CD302: variants seen among roughly 807,000 people sequenced by gnomAD.
CD302 encodes the protein CD302 antigen.
Under a neutral mutation model 26.5 loss-of-function variants are expected in CD302, and 23 were observed. That is an observed-to-expected ratio of 0.87 (90% CI 0.62 to 1.23). The LOEUF is 1.23. CD302 is among the 50% of genes most tolerant of loss of function. CD302 has a pLI of 0.00. For synonymous variants in CD302, 90 were observed against 99.4 expected (o/e 0.91, Z 0.56); for missense variants, 290 against 275.5 (o/e 1.05, Z -0.37).
At chr2:159,777,866 G>T in intron 5 of CD302, 72 bp downstream of exon 5, 1 of 755,488 alleles carries the variant, frequency 1.3e-6, no homozygotes, top group Non-Finnish European at 2.0e-6. Context: ...GATCTGTAAT[G>T]TATTTTAATA....
intron 5 of CD302, among the ~76,000 whole-genome samples, chr2:159,775,397 A>G (rs954911039): frequency 1.3e-5 from 2 of 152,156 alleles, no homozygotes; most frequent in Non-Finnish European, 2.9e-5. Context: ...GAAGCCACAG[A>G]CCTATTTTTT....
intron 1 of CD302, among the ~76,000 whole-genome samples, chr2:159,791,949 G>T (rs912585909): frequency 6.6e-6 from 1 of 152,166 alleles, no homozygotes; most frequent in Admixed American, 6.6e-5. Context: ...ATGTTAGATG[G>T]TGTATTGTGG....
chr2:159,792,333 C>T (rs938898862), intron 1 of CD302, among the ~76,000 whole-genome samples: 1 of 152,038 alleles, frequency 6.6e-6, no homozygotes, highest in South Asian at 2.1e-4. Flanking sequence ...TCATACAATC[C>T]AGCCTTGATT....
chr2:159,772,072 A>T lies in CD302; in HGVS notation c.497-19T>A. Reference sequence around the variant, plus strand: ...TGGTTATCTGAAAAGGAAAAGACAAAAGAGTATTTGGGAAATTAGGGTACA... The same window carrying T: ...TGGTTATCTGAAAAGGAAAAGACAATAGAGTATTTGGGAAATTAGGGTACA... On this transcript the variant is annotated intron_variant, in intron 5 of 5. Transcript: ENST00000259053. The T allele has an allele frequency of 6.2e-7, 1 of 1,612,492 alleles. No individual in the cohort carries two copies. The highest frequency in any genetic ancestry group is 8.5e-7 in the Non-Finnish European group (1 of 1,179,060).
intron 2 of CD302, among the ~76,000 whole-genome samples, chr2:159,782,109 A>G (rs1046349114): frequency 1.3e-5 from 2 of 152,146 alleles, no homozygotes; most frequent in South Asian, 2.1e-4. Context: ...TCTACTAAAA[A>G]TACAAAAAAT....
At chr2:159,798,055 G>T (rs1217768290) in intron 1 of CD302, 77 bp downstream of exon 1, 1 of 1,375,130 alleles carries the variant, frequency 7.3e-7, no homozygotes, top group Non-Finnish European at 9.7e-7. Flanking sequence ...CGGGTGCGCG[G>T]GGACGAAGAG....
rs1200867351 is a variant in CD302, at chr2:159,772,869, G to C, written c.497-816C>G. 9.2e-5 allele frequency among the ~76,000 whole-genome samples: 14 copies of C among 152,126 alleles called. 1 individual carries two copies. The highest frequency in any genetic ancestry group is 9.2e-4 in the Admixed American group (14 of 15,266). On this transcript the variant is annotated intron_variant, in intron 5 of 5. Transcript: ENST00000259053. ...GGCCAAATTATTTGTTAAAGTGAGGGAGAGCCATTGATACTTTTCAAATAT... is the reference window on the plus strand; with the variant it reads ...GGCCAAATTATTTGTTAAAGTGAGGCAGAGCCATTGATACTTTTCAAATAT...
At chr2:159,777,855 G>A in intron 5 of CD302, 83 bp downstream of exon 5, 1 of 649,572 alleles carries the variant, frequency 1.5e-6, no homozygotes, top group Non-Finnish European at 2.4e-6. Flanking sequence ...TTTTAAAAAG[G>A]GATCTGTAAT....
chr2:159,789,685 A>G (rs1177059843), intron 1 of CD302, among the ~76,000 whole-genome samples: 1 of 152,166 alleles, frequency 6.6e-6, no homozygotes, highest in East Asian at 1.9e-4. Context: ...GACTGAGTCT[A>G]TGTGAAGAGG....
At position 159,771,708 on chromosome 2, in the gene CD302, C is replaced by T; in HGVS notation, c.*143G>A. The T allele has an allele frequency of 1.1e-6, 1 of 931,610 alleles. No individual in the cohort carries two copies. The highest frequency in any genetic ancestry group is 1.6e-6 in the Non-Finnish European group (1 of 632,848). The allele number at this position is 931,610 out of a possible 1,614,324, so 57.7% of individuals were successfully genotyped here. ...TAATGAACCTAAAGACTTTTCACAG[C>T]AGATGAGTACATAAAAATGTTACTG... On this transcript the variant is annotated 3_prime_UTR_variant, in exon 6 of 6. Coordinates refer to ENST00000259053, the MANE Select transcript of CD302 (RefSeq NM_014880.5).
chr2:159,775,722 T>G (rs1247718397), intron 5 of CD302, among the ~76,000 whole-genome samples: 1 of 152,194 alleles, frequency 6.6e-6, no homozygotes, highest in Admixed American at 6.5e-5. Flanking sequence ...CCACCATCCA[T>G]TCACAGAACA....
chr2:159,795,763 G>A (rs1292429502), intron 1 of CD302, among the ~76,000 whole-genome samples: 2 of 152,206 alleles, frequency 1.3e-5, no homozygotes, highest in African/African-American at 2.4e-5. Context: ...AGGGTGGTAA[G>A]AGATGACATC....
chr2:159,788,859 C>CT (rs1708734641), intron 1 of CD302, among the ~76,000 whole-genome samples: 1 of 152,114 alleles, frequency 6.6e-6, no homozygotes, highest in Admixed American at 6.5e-5. Context: ...TCTCTCTTCC[C>CT]TTTCTGGGAC....
chr2:159,795,139 C>A (rs111228678), intron 1 of CD302, among the ~76,000 whole-genome samples: 1 of 151,374 alleles, frequency 6.6e-6, no homozygotes, highest in Non-Finnish European at 1.5e-5. Flanking sequence ...AGGAGAATTG[C>A]TTGAACCCAG....
At chr2:159,777,882 G>C (rs1434538342) in intron 5 of CD302, 56 bp downstream of exon 5, 1 of 881,924 alleles carries the variant, frequency 1.1e-6, no homozygotes, top group African/African-American at 1.8e-5. Context: ...TAATATGCCA[G>C]AATTTTGATA....
intron 1 of CD302, among the ~76,000 whole-genome samples, chr2:159,792,422 CTGTGTGTGTGTGTGTGTGTGTGTGTG>C (rs3138650): frequency 1.4e-5 from 2 of 145,200 alleles, no homozygotes; most frequent in Non-Finnish European, 1.5e-5. Flanking sequence ...AGAACCAACT[CTGTGTGTGTGTGTGTGTGTGTGTGTG>C]TGTGTGTGTG....
At chr2:159,781,150 G>C (rs547559249) in intron 2 of CD302, 152 bp from the exon 3 acceptor site, 2 of 637,410 alleles carry the variant, frequency 3.1e-6, no homozygotes, top group Admixed American at 3.1e-5. Context: ...AAGCTAATAA[G>C]GTTACAGGGA....
intron 1 of CD302, among the ~76,000 whole-genome samples, chr2:159,786,854 G>A (rs1460264379): frequency 2.6e-5 from 4 of 152,016 alleles, no homozygotes; most frequent in African/African-American, 7.3e-5. Context: ...AGAGGAATGA[G>A]GAACAGAACA....
At chr2:159,774,212 T>C (rs1239909967) in intron 5 of CD302, among the ~76,000 whole-genome samples, 2 of 152,150 alleles carry the variant, frequency 1.3e-5, no homozygotes, top group East Asian at 3.8e-4. Context: ...ATCTCAACCA[T>C]TCAAGTCTTT....
Sources: gnomAD v4.1 joint callset for allele counts (sites outside exome capture counted in the v4.1 genomes callset) on GRCh38, gnomAD v4.1.1 for gene constraint, MANE v1.5 for transcripts, NCBI Gene and HGNC (gene_info 2026-07-23, HGNC 2026-07-21) for gene names.